KIAA1586: variants seen among roughly 807,000 people sequenced by gnomAD.
KIAA1586 encodes the protein E3 SUMO-protein ligase KIAA1586.
KIAA1586 carries 5 observed loss-of-function variants against 6.1 expected under a neutral mutation model. That is an observed-to-expected ratio of 0.82 (90% CI 0.43 to 1.73). The LOEUF is 1.73. Among genes scored for constraint, KIAA1586 ranks in the 40% most tolerant of loss-of-function variants. The pLI is 0.02. For synonymous variants in KIAA1586, 280 were observed against 301.7 expected (o/e 0.93, Z 0.75); for missense variants, 899 against 878.2 (o/e 1.02, Z -0.30).
At position 57,055,019 on chromosome 6, in the gene KIAA1586, T is replaced by C. The variant is rs907805426; in HGVS notation, c.*156T>C. On this transcript the variant is annotated 3_prime_UTR_variant, in exon 4 of 4. Transcript: ENST00000370733. Reference sequence around the variant, plus strand: ...AAGAAGATAATCTTGAAGATTGGTTTTAGAAGCTATAGTTTTTTAGAGATT... The same window carrying C: ...AAGAAGATAATCTTGAAGATTGGTTCTAGAAGCTATAGTTTTTTAGAGATT... 1.1e-6 allele frequency: 1 copy of C among 871,416 alleles called. No homozygotes were observed. 54.0% of individuals were successfully genotyped at this position (871,416 alleles called of 1,614,324 possible). A position where few individuals can be genotyped will look rare whatever the true frequency, so the allele number is the denominator to read the frequency against.
the KIAA1586 span, among the ~76,000 whole-genome samples, chr6:57,063,450 CTTTTTT>C: frequency 1.1e-3 from 112 of 102,568 alleles, no homozygotes; most frequent in African/African-American, 3.0e-3. Context: ...TATGTTATTT[CTTTTTT>C]TTTTTTTTTT....
the KIAA1586 span, among the ~76,000 whole-genome samples, chr6:57,060,743 A>G: frequency 2.0e-5 from 3 of 152,186 alleles, no homozygotes; most frequent in Non-Finnish European, 4.4e-5. Flanking sequence ...CCAGGGTCAC[A>G]ATTAACCAAA....
In KIAA1586 at chr6:57,051,005, G is replaced by GGCA. The variant is rs1187510821; in HGVS notation, c.186+152_186+153insCAG. 1,137 of 536,166 alleles carry GGCA rather than the reference G, an allele frequency of 2.1e-3. 12 individuals are homozygous for GGCA. The African/African-American group carries it at 0.021, about 10-fold the overall frequency. 33.2% of individuals were successfully genotyped at this position (536,166 alleles called of 1,614,324 possible). A position where few individuals can be genotyped will look rare whatever the true frequency, so the allele number is the denominator to read the frequency against. On this transcript the variant is annotated intron_variant, in intron 3 of 3. Transcript: ENST00000370733. ...AGCACTTTGGGAGGCCGAGGCGGTT[G>GGCA]GATCACTTGAGGCCAGGAGTTCGAG...
the KIAA1586 span, among the ~76,000 whole-genome samples, chr6:57,066,771 G>T: frequency 1.3e-5 from 2 of 152,106 alleles, no homozygotes; most frequent in Non-Finnish European, 2.9e-5. Context: ...CAGCCTTTCT[G>T]TTAAGTGGCA....
At chr6:57,047,895 T>C (rs1172476703) in intron 2 of KIAA1586, among the ~76,000 whole-genome samples, 4 of 129,890 alleles carry the variant, frequency 3.1e-5, no homozygotes, top group South Asian at 2.9e-4. Flanking sequence ...CCTACATCAC[T>C]GGGAACATGC....
At position 57,054,959 on chromosome 6, in the gene KIAA1586, T is replaced by C; in HGVS notation, c.*96T>C. On this transcript the variant is annotated 3_prime_UTR_variant, in exon 4 of 4. Transcript: ENST00000370733. ...TTTTTTTTGGAAAGCCAGTTAAACTTTTATCAGCATGTTGCTGTTTAAAAG... is the reference window on the plus strand; with the variant it reads ...TTTTTTTTGGAAAGCCAGTTAAACTCTTATCAGCATGTTGCTGTTTAAAAG... The C allele has an allele frequency of 7.7e-7, 1 of 1,306,234 alleles. No individual in the cohort carries two copies. Among genetic ancestry groups the C allele is most frequent in the Non-Finnish European group, 1.0e-6 (1 of 978,560 alleles). 80.9% of individuals were successfully genotyped at this position (1,306,234 alleles called of 1,614,324 possible). A position where few individuals can be genotyped will look rare whatever the true frequency, so the allele number is the denominator to read the frequency against.
Position 57,053,473 on chromosome 6 carries a change from C to G in KIAA1586, c.974C>G (p.Ser325Ter). The part of the protein sequence containing the change: ...CIIIDEASTV[S>*]KKTTLVIYLQ... ...ATAATTGATGAGGCATCTACAGTTT[C>G]AAAGAAAACCACCCTAGTGATTTAT... The change falls in exon 4 of 4, where the codon TCA becomes TGA. Residue 325 changes from serine to a stop codon, truncating the protein, a stop_gained. Coordinates refer to ENST00000370733, the MANE Select transcript of KIAA1586 (RefSeq NM_020931.4). LOFTEE classifies it low-confidence loss of function (END_TRUNC). 1 of 1,613,234 alleles carries G rather than the reference C, an allele frequency of 6.2e-7. No homozygotes were observed. Among genetic ancestry groups the G allele is most frequent in the Non-Finnish European group, 8.5e-7 (1 of 1,179,632 alleles).
At chr6:57,065,350 C>T in the KIAA1586 span, among the ~76,000 whole-genome samples, 6 of 152,116 alleles carry the variant, frequency 3.9e-5, no homozygotes, top group East Asian at 7.7e-4. Flanking sequence ...GAGGTATATC[C>T]GGTGTTGCTA....
Position 57,046,741 on chromosome 6 carries a change from G to T in KIAA1586, c.-15G>T, listed in dbSNP as rs769261649. 1 of 1,612,726 alleles carries T rather than the reference G, an allele frequency of 6.2e-7. No individual in the cohort carries two copies. Among genetic ancestry groups the T allele is most frequent in the Non-Finnish European group, 8.5e-7 (1 of 1,179,470 alleles). ...CAGCAGGAGCAGTGGTGCTGTCAGC[G>T]CGGCCGTCGGAGACATGGGAGACCC... On this transcript the variant is annotated 5_prime_UTR_variant, in exon 1 of 4. Coordinates refer to ENST00000370733, the MANE Select transcript of KIAA1586 (RefSeq NM_020931.4).
At chr6:57,056,295 C>G (rs1309382223), downstream of KIAA1586, among the ~76,000 whole-genome samples, 1 of 151,896 alleles carries the variant, frequency 6.6e-6, no homozygotes, top group Non-Finnish European at 1.5e-5. Context: ...CAACTTCCAC[C>G]TTCTGGGTTC....
At chr6:57,064,703 C>G in the KIAA1586 span, among the ~76,000 whole-genome samples, 6 of 152,094 alleles carry the variant, frequency 3.9e-5, no homozygotes, top group African/African-American at 1.4e-4. Flanking sequence ...TTTAAATGTT[C>G]CAAAAGCCTT....
the KIAA1586 span, among the ~76,000 whole-genome samples, chr6:57,062,575 A>T: frequency 6.6e-6 from 1 of 152,190 alleles, no homozygotes; most frequent in Non-Finnish European, 1.5e-5. Flanking sequence ...CCCAACTGAG[A>T]TGGCCAGCAA....
chr6:57,057,366 T>C (rs1206389514), downstream of KIAA1586, among the ~76,000 whole-genome samples: 1 of 152,192 alleles, frequency 6.6e-6, no homozygotes, highest in African/African-American at 2.4e-5. Context: ...TAGAACAGTT[T>C]CATAATTTGA....
Position 57,053,842 on chromosome 6 carries a change from A to C in KIAA1586, c.1343A>C (p.Tyr448Ser). ...NHLKIFIDKIYSIYHQPNKNQ... is the reference protein window; with the variant it reads ...NHLKIFIDKISSIYHQPNKNQ... Reference sequence around the variant, plus strand: ...TTAAAAATATTTATTGATAAAATTTATTCTATTTATCATCAACCTAATAAA... The same window carrying C: ...TTAAAAATATTTATTGATAAAATTTCTTCTATTTATCATCAACCTAATAAA... The change falls in exon 4 of 4, where the codon TAT becomes TCT. Residue 448 changes from tyrosine to serine, a missense_variant. Physicochemically the swap from Tyr to Ser is moderately radical, Grantham distance 144. Transcript: ENST00000370733. The C allele has an allele frequency of 1.3e-6, 2 of 1,510,106 alleles. No individual in the cohort carries two copies. The highest frequency in any genetic ancestry group is 8.9e-7 in the Non-Finnish European group (1 of 1,120,466). 93.5% of individuals were successfully genotyped at this position (1,510,106 alleles called of 1,614,324 possible). A position where few individuals can be genotyped will look rare whatever the true frequency, so the allele number is the denominator to read the frequency against.
At chr6:57,051,799 T>G (rs1828335070) in intron 3 of KIAA1586, among the ~76,000 whole-genome samples, 1 of 151,986 alleles carries the variant, frequency 6.6e-6, no homozygotes, top group Non-Finnish European at 1.5e-5. Flanking sequence ...CCGGGCGTGG[T>G]GGTGCATGCC....
At chr6:57,049,009 G>A (rs1227696717) in intron 2 of KIAA1586, among the ~76,000 whole-genome samples, 3 of 151,692 alleles carry the variant, frequency 2.0e-5, no homozygotes, top group Admixed American at 6.5e-5. Flanking sequence ...TAAATATAAA[G>A]ATCCTTCTAC....
intron 2 of KIAA1586, among the ~76,000 whole-genome samples, chr6:57,050,408 C>T (rs1828289406): frequency 6.6e-6 from 1 of 151,772 alleles, no homozygotes; most frequent in African/African-American, 2.4e-5. Context: ...GCCCCAACTT[C>T]CTGGGCTCCA....
At chr6:57,050,044 A>G (rs537535946) in intron 2 of KIAA1586, among the ~76,000 whole-genome samples, 2 of 151,730 alleles carry the variant, frequency 1.3e-5, no homozygotes, top group Admixed American at 1.3e-4. Flanking sequence ...GTTTTTCACT[A>G]TGTTGCCCAG....
Position 57,053,626 on chromosome 6 carries a change from C to T in KIAA1586, c.1127C>T (p.Thr376Ile), listed in dbSNP as rs1242253740. Reference sequence around the variant, plus strand: ...ACTACTTTAAATGATTGTGGTTTTACAAATGAATATTTGAAAGCAAATTTA... The same window carrying T: ...ACTACTTTAAATGATTGTGGTTTTATAAATGAATATTTGAAAGCAAATTTA... ...LLTTLNDCGF[T>I]NEYLKANLIA... Residue 376 changes from threonine to isoleucine, a missense_variant, in exon 4 of 4, where the codon ACA becomes ATA. By Grantham distance (89) the Thr-to-Ile change is moderately conservative. Transcript: ENST00000370733. 2 of 1,611,020 alleles carry T rather than the reference C, an allele frequency of 1.2e-6. No homozygotes were observed. Among genetic ancestry groups the T allele is most frequent in the African/African-American group, 2.7e-5 (2 of 74,780 alleles).
Sources: allele counts gnomAD v4.1 joint callset (sites outside exome capture counted in the v4.1 genomes callset), GRCh38; gene constraint gnomAD v4.1.1; transcripts MANE v1.5; gene names NCBI Gene and HGNC (gene_info 2026-07-23, HGNC 2026-07-21).